BIRC5: variants seen among roughly 807,000 people sequenced by gnomAD.
BIRC5 encodes the protein baculoviral IAP repeat-containing protein 5.
BIRC5 carries 8 observed loss-of-function variants against 15.8 expected under a neutral mutation model. The observed-to-expected ratio is 0.51, with a 90% CI of 0.30 to 0.91. The LOEUF is 0.91. BIRC5 is among the 40% of genes least tolerant of loss of function. The pLI is 0.07. For missense variants in BIRC5, 163 were observed against 178.6 expected (o/e 0.91, Z 0.50); for synonymous variants, 56 against 64.5 (o/e 0.87, Z 0.63).
In BIRC5 at chr17:78,224,126, G is replaced by A. The variant is rs2076534635; in HGVS notation, c.*572G>A. 1 of 151,522 alleles carries A rather than the reference G, an allele frequency of 6.6e-6. No homozygotes were observed. The highest frequency in any genetic ancestry group is 1.5e-5 in the Non-Finnish European group (1 of 68,458). 9.4% of individuals were successfully genotyped at this position (151,522 alleles called of 1,614,324 possible). A position where few individuals can be genotyped will look rare whatever the true frequency, so the allele number is the denominator to read the frequency against. ...ATGAGAGAATGGAGACAGAGTCCCT[G>A]GCTCCTCTACTGTTTAACAACATGG... is the stretch of plus-strand genomic sequence containing the variant. On this transcript the variant is annotated 3_prime_UTR_variant, in exon 4 of 4. Coordinates refer to ENST00000350051, the MANE Select transcript of BIRC5 (RefSeq NM_001168.3).
chr17:78,216,671 C>T lies in BIRC5; in HGVS notation c.229C>T (p.His77Tyr), dbSNP rs762005531. ...TTGTTTTGATTTTTCTAGAGAGGAA[C>T]ATAAAAAGCATTCGTCCGGTTGCGC... ...WEPDDDPIEEHKKHSSGCAFL... is the reference protein window; with the variant it reads ...WEPDDDPIEEYKKHSSGCAFL... The change falls in exon 3 of 4, where the codon CAT (histidine) becomes TAT (tyrosine). Residue 77 changes from histidine (H) to tyrosine (Y), a missense_variant. His to Tyr is a moderately conservative substitution (Grantham distance 83). Coordinates refer to ENST00000350051, the MANE Select transcript of BIRC5 (RefSeq NM_001168.3). The T allele has an allele frequency of 6.2e-7, 1 of 1,613,432 alleles. No homozygotes were observed.
At chr17:78,222,042 A>G (rs897124119) in intron 3 of BIRC5, among the ~76,000 whole-genome samples, 2 of 152,008 alleles carry the variant, frequency 1.3e-5, no homozygotes, top group African/African-American at 4.8e-5. Context: ...TTCAAAAAAT[A>G]CACAAAAAAT....
In BIRC5 at chr17:78,223,826, G is replaced by C; in HGVS notation, c.*272G>C. 3 of 640,166 alleles carry C rather than the reference G, an allele frequency of 4.7e-6. No individual in the cohort carries two copies. The highest frequency in any genetic ancestry group is 7.5e-6 in the Non-Finnish European group (3 of 401,772). The allele number at this position is 640,166 out of a possible 1,614,324, so 39.7% of individuals were successfully genotyped here. ...GCTCATTTTTGCTGTTTTGATTCCC[G>C]GGCTTACCAGGTGAGAAGTGAGGGA... On this transcript the variant is annotated 3_prime_UTR_variant, in exon 4 of 4. Coordinates refer to ENST00000350051, the MANE Select transcript of BIRC5 (RefSeq NM_001168.3).
chr17:78,216,584 G>A (rs866728787), intron 2 of BIRC5, 80 bp from the exon 3 acceptor site: 5 of 1,175,214 alleles, frequency 4.3e-6, no homozygotes, highest in South Asian at 2.5e-5. Context: ...TGTGGAGGGC[G>A]TGGGGAGGTG....
intron 3 of BIRC5, among the ~76,000 whole-genome samples, chr17:78,219,092 A>T (rs1281683913): frequency 6.6e-6 from 1 of 152,202 alleles, no homozygotes; most frequent in Non-Finnish European, 1.5e-5. Context: ...AATAGAGGTT[A>T]GACCCCCTAT....
chr17:78,220,210 C>T (rs2076505625), intron 3 of BIRC5, among the ~76,000 whole-genome samples: 2 of 152,046 alleles, frequency 1.3e-5, no homozygotes, highest in African/African-American at 4.8e-5. Context: ...GGGTGGATCA[C>T]GAGGTCAGGA....
chr17:78,223,400 CT>C, intron 3 of BIRC5, 64 bp from the exon 4 acceptor site: 1 of 1,430,946 alleles, frequency 7.0e-7, no homozygotes, highest in Non-Finnish European at 9.4e-7. Flanking sequence ...CCTTTGTCAT[CT>C]TATCTACAGG....
chr17:78,218,095 G>A (rs2076492265), intron 3 of BIRC5, among the ~76,000 whole-genome samples: 1 of 151,782 alleles, frequency 6.6e-6, no homozygotes, highest in African/African-American at 2.4e-5. Flanking sequence ...ACAGGCATGA[G>A]CCACCGTGCC....
intron 3 of BIRC5, among the ~76,000 whole-genome samples, chr17:78,217,688 G>A (rs1024479403): frequency 2.7e-5 from 4 of 150,774 alleles, no homozygotes; most frequent in Admixed American, 6.6e-5. Flanking sequence ...TAGTAGAGAC[G>A]GGTTTTCACC....
intron 3 of BIRC5, among the ~76,000 whole-genome samples, chr17:78,218,781 A>G (rs1475026522): frequency 6.6e-6 from 1 of 151,030 alleles, no homozygotes; most frequent in Non-Finnish European, 1.5e-5. Flanking sequence ...TTTTTTTGGT[A>G]TTTTTATTAG....
chr17:78,214,973 C>G lies in BIRC5; in HGVS notation c.221+184C>G, dbSNP rs2076467334. The G allele has an allele frequency of 1.0e-5, 6 of 580,584 alleles. No individual in the cohort carries two copies. In the South Asian group the frequency reaches 1.2e-4, roughly 11 times the overall value. The allele number at this position is 580,584 out of a possible 1,614,324, so 36.0% of individuals were successfully genotyped here. A position where few individuals can be genotyped will look rare whatever the true frequency, so the allele number is the denominator to read the frequency against. ...GGTGATGCTTACAACCTAATTAAAT[C>G]TCATTTGACCAAAATGCCTTGGGGT... On this transcript the variant is annotated intron_variant, in intron 2 of 3. Transcript: ENST00000350051.
intron 3 of BIRC5, among the ~76,000 whole-genome samples, chr17:78,218,466 G>C (rs973506331): frequency 1.1e-4 from 15 of 142,460 alleles, no homozygotes; most frequent in Admixed American, 7.1e-5. Context: ...GCTAATTTTT[G>C]TATTTTTAGT....
rs2076540739 is a variant in BIRC5, at chr17:78,225,038, C to T, written c.*1484C>T. 2 of 152,328 alleles carry T rather than the reference C, an allele frequency of 1.3e-5. No homozygotes were observed. The highest frequency in any genetic ancestry group is 6.5e-5 in the Admixed American group (1 of 15,302). 9.4% of individuals were successfully genotyped at this position (152,328 alleles called of 1,614,324 possible). Reference sequence around the variant, plus strand: ...CCAGCCTCTGTACTCATCTAAGCTGCTTATTTTTGATATTTGTGTCAGTCT... The same window carrying T: ...CCAGCCTCTGTACTCATCTAAGCTGTTTATTTTTGATATTTGTGTCAGTCT... On this transcript the variant is annotated 3_prime_UTR_variant, in exon 4 of 4. Coordinates refer to ENST00000350051, the MANE Select transcript of BIRC5 (RefSeq NM_001168.3).
intron 3 of BIRC5, among the ~76,000 whole-genome samples, chr17:78,217,961 T>TTA (rs2076491504): frequency 4.2e-5 from 1 of 23,978 alleles, no homozygotes; most frequent in African/African-American, 1.0e-4. Flanking sequence ...CCACCTTATT[T>TTA]ATTTATTTAT....
chr17:78,216,772 G>T lies in BIRC5; in HGVS notation c.330G>T (p.Lys110Asn), dbSNP rs77256336. Residue 110 changes from lysine (K) to asparagine (N), a missense_variant, in exon 3 of 4, where the codon AAG (lysine) becomes AAT (asparagine). Physicochemically the swap from Lys to Asn is moderately conservative, Grantham distance 94 (BLOSUM62 0). Coordinates refer to ENST00000350051, the MANE Select transcript of BIRC5 (RefSeq NM_001168.3). ...TGAAACTGGACAGAGAAAGAGCCAAGAACAAAATTGTATGTATTGGGAATA... is the reference window on the plus strand; with the variant it reads ...TGAAACTGGACAGAGAAAGAGCCAATAACAAAATTGTATGTATTGGGAATA... ...EFLKLDRERAKNKIAKETNNK... is the reference protein window; with the variant it reads ...EFLKLDRERANNKIAKETNNK... The T allele has an allele frequency of 1.9e-6, 3 of 1,612,508 alleles. No homozygotes were observed. Among genetic ancestry groups the T allele is most frequent in the African/African-American group, 2.7e-5 (2 of 74,878 alleles).
Position 78,214,291 on chromosome 17 carries a change from C to A in BIRC5, c.-26C>A. The A allele has an allele frequency of 6.3e-7, 1 of 1,586,764 alleles. No individual in the cohort carries two copies. The highest frequency in any genetic ancestry group is 8.6e-7 in the Non-Finnish European group (1 of 1,164,914). The stretch of plus-strand genomic sequence containing the variant: ...AACCGCCAGATTTGAATCGCGGGAC[C>A]CGTTGGCAGAGGTGGCGGCGGCGGC... On this transcript the variant is annotated 5_prime_UTR_variant, in exon 1 of 4. Transcript: ENST00000350051.
chr17:78,218,522 C>T (rs1306695821), intron 3 of BIRC5, among the ~76,000 whole-genome samples: 1 of 150,144 alleles, frequency 6.7e-6, no homozygotes, highest in Non-Finnish European at 1.5e-5. Flanking sequence ...AAACTCCTGA[C>T]CTTGTGATCT....
intron 3 of BIRC5, among the ~76,000 whole-genome samples, chr17:78,220,203 T>C (rs17882295): frequency 0.078 from 11,639 of 149,054 alleles, 640 homozygotes; most frequent in Middle Eastern, 0.2. Context: ...CCGAGGCGGG[T>C]GGATCACGAG....
At position 78,224,054 on chromosome 17, in the gene BIRC5, G is replaced by A. The variant is rs200361238; in HGVS notation, c.*500G>A. 1 of 102,540 alleles carries A rather than the reference G, an allele frequency of 9.8e-6. No individual in the cohort carries two copies. Among genetic ancestry groups the A allele is most frequent in the Non-Finnish European group, 2.0e-5 (1 of 49,572 alleles). The allele number at this position is 102,540 out of a possible 1,614,324, so 6.4% of individuals were successfully genotyped here. On this transcript the variant is annotated 3_prime_UTR_variant, in exon 4 of 4. Transcript: ENST00000350051. Reference sequence around the variant, plus strand: ...CTCAGAGGACAGTTTTTTTGTTGTTGTGTTTTTTTGTTTTTTTTTTTTTGG... The same window carrying A: ...CTCAGAGGACAGTTTTTTTGTTGTTATGTTTTTTTGTTTTTTTTTTTTTGG...
Sources: gnomAD v4.1 joint callset for allele counts (sites outside exome capture counted in the v4.1 genomes callset) on GRCh38, gnomAD v4.1.1 for gene constraint, MANE v1.5 for transcripts, NCBI Gene and HGNC (gene_info 2026-07-23, HGNC 2026-07-21) for gene names.